The following CEP57 variants were observed in gnomAD, a reference collection of about 807,000 sequenced individuals.
CEP57 encodes centrosomal protein 57.
CEP57 carries 40 observed loss-of-function variants against 68.0 expected under a neutral mutation model. The ratio of observed to expected loss-of-function variants is 0.59; its 90% CI spans 0.46 to 0.77. The LOEUF (loss-of-function observed/expected upper bound fraction) is 0.77. CEP57 is among the 30% of genes least tolerant of loss of function. CEP57 has a pLI of 0.00. For synonymous variants in CEP57, 219 were observed against 198.7 expected (o/e 1.10, Z -0.86); for missense variants, 606 against 580.7 (o/e 1.04, Z -0.45).
At position 95,827,694 on chromosome 11, in the gene CEP57, G is replaced by A. The variant is rs551067838; in HGVS notation, c.886-92G>A. ...GGATTTATATACTCTACTTTAGGGG[G>A]TGGAGAGTTCTTTTTACCTAGGCTT... is the stretch of plus-strand genomic sequence containing the variant. On this transcript the variant is annotated intron_variant, in intron 8 of 10. Transcript: ENST00000325542. 3 of 1,431,342 alleles carry A rather than the reference G, an allele frequency of 2.1e-6. No homozygotes were observed. The South Asian group carries it at 3.5e-5, about 17-fold the overall frequency. The allele number at this position is 1,431,342 out of a possible 1,614,324, so 88.7% of individuals were successfully genotyped here.
chr11:95,830,318 T>C (rs631099), intron 10 of CEP57, among the ~76,000 whole-genome samples: 42,326 of 152,052 alleles, frequency 0.28, 7,069 homozygotes, highest in Non-Finnish European at 0.38. Context: ...TCTAAAACTT[T>C]GGCTGTTTTT....
intron 1 of CEP57, among the ~76,000 whole-genome samples, chr11:95,798,962 A>T (rs1861459674): frequency 6.6e-6 from 1 of 152,194 alleles, no homozygotes; most frequent in Non-Finnish European, 1.5e-5. Flanking sequence ...ATTTACATTC[A>T]TTGTATCATT....
intron 1 of CEP57, among the ~76,000 whole-genome samples, chr11:95,797,847 C>T (rs531577509): frequency 3.3e-5 from 5 of 152,176 alleles, no homozygotes; most frequent in South Asian, 2.1e-4. Context: ...AGAGGGTGGT[C>T]GGCAAGTCAC....
chr11:95,791,492 G>C (rs1449157727), intron 1 of CEP57, among the ~76,000 whole-genome samples: 1 of 152,160 alleles, frequency 6.6e-6, no homozygotes, highest in African/African-American at 2.4e-5. Flanking sequence ...GTAAATGTTG[G>C]AGCTCTTATT....
At chr11:95,829,078 A>C in intron 9 of CEP57, 109 bp from the exon 10 acceptor site, 1 of 1,198,360 alleles carries the variant, frequency 8.3e-7, no homozygotes, top group South Asian at 1.3e-5. Context: ...TGTTCAAAAA[A>C]TGGAGTCATT....
intron 2 of CEP57, among the ~76,000 whole-genome samples, chr11:95,800,017 C>T (rs1020432247): frequency 1.3e-5 from 2 of 151,558 alleles, no homozygotes; most frequent in African/African-American, 4.9e-5. Context: ...TGGAACCTGC[C>T]ATCTGTATTA....
In CEP57 at chr11:95,790,529, C is replaced by G. The variant is rs1039050117; in HGVS notation, c.-170C>G. On this transcript the variant is annotated 5_prime_UTR_variant, in exon 1 of 11. Transcript: ENST00000325542. ...GTGTAAGCTGTGAGCGTAGGCGGCC[C>G]TGAGGGGGTGTGTTGCAGGGGTTTC... 1 of 712,078 alleles carries G rather than the reference C, an allele frequency of 1.4e-6. No homozygotes were observed. The highest frequency in any genetic ancestry group is 2.4e-6 in the Non-Finnish European group (1 of 419,134). 44.1% of individuals were successfully genotyped at this position (712,078 alleles called of 1,614,324 possible).
intron 2 of CEP57, among the ~76,000 whole-genome samples, chr11:95,804,287 A>G (rs931003971): frequency 2.0e-5 from 3 of 152,230 alleles, no homozygotes; most frequent in Non-Finnish European, 4.4e-5. Flanking sequence ...AAAAACAAAT[A>G]ATACCTAGTT....
At chr11:95,829,408 A>AAG in intron 10 of CEP57, 77 bp downstream of exon 10, 2 of 1,370,462 alleles carry the variant, frequency 1.5e-6, no homozygotes, top group Non-Finnish European at 2.1e-6. Context: ...TTAAATGATG[A>AAG]CACTAAGTGT....
intron 10 of CEP57, 23 bp from the exon 11 acceptor site, chr11:95,831,003 C>A: frequency 1.3e-6 from 2 of 1,545,238 alleles, no homozygotes; most frequent in Non-Finnish European, 1.8e-6. Context: ...CCTTTTCCTT[C>A]CTGCCTTGGT....
At chr11:95,806,402 A>G (rs548805875) in intron 2 of CEP57, among the ~76,000 whole-genome samples, 6 of 152,252 alleles carry the variant, frequency 3.9e-5, no homozygotes, top group African/African-American at 1.4e-4. Context: ...TCCATGGAGT[A>G]TGAGCCGAAG....
At chr11:95,816,592 C>G (rs781082735) in intron 4 of CEP57, among the ~76,000 whole-genome samples, 5 of 152,110 alleles carry the variant, frequency 3.3e-5, no homozygotes, top group Non-Finnish European at 7.4e-5. Context: ...TAGGATGTGG[C>G]TAGAAGGGAA....
chr11:95,800,838 G>T (rs911084812), intron 2 of CEP57, among the ~76,000 whole-genome samples: 2 of 152,184 alleles, frequency 1.3e-5, no homozygotes, highest in African/African-American at 4.8e-5. Flanking sequence ...TCGTCTTTTA[G>T]ATGTTTCTTC....
At chr11:95,820,496 C>T (rs972709020) in intron 6 of CEP57, among the ~76,000 whole-genome samples, 3 of 145,672 alleles carry the variant, frequency 2.1e-5, no homozygotes, top group African/African-American at 7.6e-5. Context: ...GAGGGTGAGG[C>T]AGGAGAATCG....
intron 8 of CEP57, among the ~76,000 whole-genome samples, chr11:95,825,166 C>T (rs1435111992): frequency 6.6e-6 from 1 of 152,102 alleles, no homozygotes; most frequent in Non-Finnish European, 1.5e-5. Flanking sequence ...GTTCTTAATG[C>T]TGTGGAAGAG....
intron 4 of CEP57, 45 bp from the exon 5 acceptor site, chr11:95,817,739 CTTT>C (rs777086706): frequency 6.1e-6 from 8 of 1,305,734 alleles, no homozygotes; most frequent in Non-Finnish European, 8.9e-6. Flanking sequence ...GTGTTTTTCT[CTTT>C]TTTGATTGTC....
chr11:95,821,316 A>G (rs764288329), intron 6 of CEP57, among the ~76,000 whole-genome samples: 2 of 152,192 alleles, frequency 1.3e-5, no homozygotes. Context: ...AAGATAGGTT[A>G]TTTTTAAATT....
chr11:95,800,136 G>C (rs532085696), intron 2 of CEP57, among the ~76,000 whole-genome samples: 1 of 152,268 alleles, frequency 6.6e-6, no homozygotes, highest in East Asian at 1.9e-4. Flanking sequence ...CCTCTGTTTA[G>C]AGCCTTACAA....
chr11:95,794,360 G>A (rs1384903429), intron 1 of CEP57: 2 of 455,624 alleles, frequency 4.4e-6, no homozygotes, highest in South Asian at 1.5e-5. Context: ...GGTTCACAGA[G>A]TATGTGCGTC....
Sources: allele counts gnomAD v4.1 joint callset (sites outside exome capture counted in the v4.1 genomes callset), GRCh38; gene constraint gnomAD v4.1.1; transcripts MANE v1.5; gene names NCBI Gene and HGNC (gene_info 2026-07-23, HGNC 2026-07-21).